DIP2A: variants seen among roughly 807,000 people sequenced by gnomAD.
The protein encoded by DIP2A is disco-interacting protein 2 homolog A.
Under a neutral mutation model 177.4 loss-of-function variants are expected in DIP2A, and 85 were observed. The ratio of observed to expected loss-of-function variants is 0.48; its 90% CI spans 0.40 to 0.57. DIP2A has a LOEUF of 0.57. DIP2A is among the 20% of genes least tolerant of loss of function. The probability of loss-of-function intolerance (pLI) is 0.00; values close to 1 mark genes in which losing one functional copy is unlikely to be tolerated. For synonymous variants in DIP2A, 886 were observed against 881.8 expected (o/e 1.00, Z -0.08); for missense variants, 1,791 against 2,100.2 (o/e 0.85, Z 2.88).
In DIP2A at chr21:46,514,617, C is replaced by CTTTTTTTTTTT. The variant is rs752628688; in HGVS notation, c.1102+3016_1102+3026dup. On this transcript the variant is annotated intron_variant, in intron 8 of 37. Coordinates refer to ENST00000417564, the MANE Select transcript of DIP2A (RefSeq NM_015151.4). ...CCTTTCCAATACTTAAACTTTTATTCTTTTTTTTTTTTTTTTTTTTTTTGG... is the reference window on the plus strand; with the variant it reads ...CCTTTCCAATACTTAAACTTTTATTCTTTTTTTTTTTTTTTTTTTTTTTTTTTTTTTTTTGG... 4.4e-4 allele frequency among the ~76,000 whole-genome samples: 31 copies of CTTTTTTTTTTT among 70,462 alleles called. 1 individual carries two copies. The highest frequency in any genetic ancestry group is 5.6e-4 in the African/African-American group (10 of 17,854). 46.2% of individuals were successfully genotyped at this position (70,462 alleles called of 152,430 possible).
At chr21:46,572,670 C>G (rs1363956568), downstream of DIP2A, among the ~76,000 whole-genome samples, 2 of 152,164 alleles carry the variant, frequency 1.3e-5, no homozygotes, top group Non-Finnish European at 2.9e-5. Flanking sequence ...CAAGAAGACC[C>G]TGACCTGATG....
At chr21:46,511,805 A>G (rs1382637210) in intron 8 of DIP2A, among the ~76,000 whole-genome samples, 191 bp downstream of exon 8, 1 of 152,144 alleles carries the variant, frequency 6.6e-6, no homozygotes, top group East Asian at 1.9e-4. Context: ...GGTGACTGCC[A>G]TTGCTCTGGG....
chr21:46,514,643 T>TTTTTTTTTTTTTTTG (rs1491148764), intron 8 of DIP2A, among the ~76,000 whole-genome samples: 1 of 79,896 alleles, frequency 1.3e-5, no homozygotes, highest in Non-Finnish European at 2.7e-5. Flanking sequence ...TTTTTTTTGG[T>TTTTTTTTTTTTTTTG]TTTTTTTTTT....
intron 6 of DIP2A, among the ~76,000 whole-genome samples, chr21:46,507,066 G>A (rs1366853744): frequency 1.3e-5 from 2 of 151,846 alleles, no homozygotes; most frequent in Non-Finnish European, 2.9e-5. Flanking sequence ...AGCCACTGTG[G>A]CCAGCCAAAT....
chr21:46,459,714 C>T (rs2054128200), intron 1 of DIP2A, among the ~76,000 whole-genome samples: 1 of 150,062 alleles, frequency 6.7e-6, no homozygotes. Context: ...GGACCCCTCC[C>T]CCATACAAGG....
At chr21:46,459,314 A>T in intron 1 of DIP2A, 92 bp downstream of exon 1, 1 of 966,206 alleles carries the variant, frequency 1.0e-6, no homozygotes. Flanking sequence ...GCGGCCCCTC[A>T]CTCCAGGACC....
rs148273274 is a variant in DIP2A, at chr21:46,495,848, C to T, written c.284-1140C>T. 1.5e-3 allele frequency among the ~76,000 whole-genome samples: 224 copies of T among 152,018 alleles called. 2 individuals are homozygous for T. Among genetic ancestry groups the T allele is most frequent in the Middle Eastern group, 0.01 (3 of 294 alleles). On this transcript the variant is annotated intron_variant, in intron 3 of 37. Coordinates refer to ENST00000417564, the MANE Select transcript of DIP2A (RefSeq NM_015151.4). ...CAGCACTTACAGAGGCCAAGGCGGG[C>T]GGATCACCATGTCAGGAGTTCAAGA... is the stretch of plus-strand genomic sequence containing the variant.
intron 1 of DIP2A, chr21:46,469,235 TTAA>T (rs1281689919): frequency 2.0e-5 from 3 of 152,214 alleles, no homozygotes; most frequent in African/African-American, 7.2e-5. Context: ...GCTTATTGAG[TTAA>T]TAAAAGTGAA....
At chr21:46,476,538 A>G (rs2055861242) in intron 1 of DIP2A, among the ~76,000 whole-genome samples, 1 of 152,198 alleles carries the variant, frequency 6.6e-6, no homozygotes, top group African/African-American at 2.4e-5. Context: ...GAGAGCCATC[A>G]GACAGGGTAG....
intron 8 of DIP2A, among the ~76,000 whole-genome samples, chr21:46,516,768 C>T (rs954779343): frequency 6.6e-5 from 10 of 151,960 alleles, no homozygotes; most frequent in African/African-American, 9.7e-5. Flanking sequence ...GCTGGGATTA[C>T]AGCCATGAGC....
At chr21:46,477,565 GTGTATTTCTT>G (rs1381841881) in intron 1 of DIP2A, among the ~76,000 whole-genome samples, 3 of 135,774 alleles carry the variant, frequency 2.2e-5, no homozygotes, top group East Asian at 2.1e-4. Flanking sequence ...GTGTGTGTGT[GTGTATTTCTT>G]TTTTTTTTTT....
At chr21:46,538,053 G>C (rs556061826) in intron 15 of DIP2A, among the ~76,000 whole-genome samples, 2 of 152,240 alleles carry the variant, frequency 1.3e-5, no homozygotes, top group South Asian at 4.1e-4. Flanking sequence ...GGGTAGGGGT[G>C]GGGGGATTGC....
chr21:46,475,488 A>G (rs1387753694), intron 1 of DIP2A, among the ~76,000 whole-genome samples: 2 of 152,210 alleles, frequency 1.3e-5, no homozygotes, highest in African/African-American at 4.8e-5. Context: ...GCAGACATTC[A>G]TATTGAGCAA....
chr21:46,511,511 G>A lies in DIP2A; in HGVS notation c.999G>A (p.Pro333=), dbSNP rs201152472. ...TCACTGCAGGTGTCCCCCGACCGCC[G>A]TCGCTGTTGGCCACCTTGCAGCGCT... is the stretch of plus-strand genomic sequence containing the variant. ...EPLTAGVPRP[P]SLLATLQRWG... is the part of the protein sequence containing the mutation. The change falls in exon 8 of 38, where the codon CCG becomes CCA. Residue 333 remains proline, a synonymous_variant. Transcript: ENST00000417564. 2.4e-3 allele frequency: 3,947 copies of A among 1,612,714 alleles called. 10 individuals carry two copies. The highest frequency in any genetic ancestry group is 2.9e-3 in the Non-Finnish European group (3,461 of 1,179,456).
At chr21:46,492,864 C>T (rs543790506) in intron 3 of DIP2A, among the ~76,000 whole-genome samples, 4 of 151,780 alleles carry the variant, frequency 2.6e-5, no homozygotes, top group African/African-American at 9.7e-5. Context: ...TCGCTTGAAC[C>T]GGTAGGTGGA....
At chr21:46,535,468 C>T (rs1260252221) in intron 13 of DIP2A, among the ~76,000 whole-genome samples, 1 of 151,972 alleles carries the variant, frequency 6.6e-6, no homozygotes, top group African/African-American at 2.4e-5. Context: ...ACCAGTAATC[C>T]CACCACTTTG....
chr21:46,546,146 C>T (rs534674319), intron 20 of DIP2A, 185 bp downstream of exon 20: 58 of 1,450,002 alleles, frequency 4.0e-5, no homozygotes, highest in Non-Finnish European at 5.0e-5. Flanking sequence ...ACCTCCGAGA[C>T]TGGTGCACAG....
Position 46,539,939 on chromosome 21 carries a change from G to C in DIP2A, c.1984G>C (p.Val662Leu), listed in dbSNP as rs1254917125. The change falls in exon 17 of 38, where the codon GTC (valine) becomes CTC (leucine). Residue 662 changes from valine (V) to leucine (L), a missense_variant. Transcript: ENST00000417564. ...VFQSRGLRPE[V>L]ICPCASSPEA... ...CCAGTCCAGAGGTCTGAGGCCAGAG[G>C]TCATCTGTCCTTGTGCAAGTTCTCC... is the stretch of plus-strand genomic sequence containing the variant. 12 of 1,613,926 alleles carry C rather than the reference G, an allele frequency of 7.4e-6. No individual in the cohort carries two copies. Among genetic ancestry groups the C allele is most frequent in the Non-Finnish European group, 1.0e-5 (12 of 1,179,906 alleles).
Position 46,464,844 on chromosome 21 carries a change from T to TTTTTTTTTTTTTTCCC in DIP2A, c.91+5622_91+5623insTTTTTTTTTTTTTCCC, listed in dbSNP as rs58546395. Among the ~76,000 whole-genome samples the TTTTTTTTTTTTTTCCC allele has an allele frequency of 9.9e-5, 11 of 111,226 alleles. 1 individual carries two copies. Among genetic ancestry groups the TTTTTTTTTTTTTTCCC allele is most frequent in the African/African-American group, 4.2e-4 (10 of 23,990 alleles). The allele number at this position is 111,226 out of a possible 152,430, so 73.0% of individuals were successfully genotyped here. On this transcript the variant is annotated intron_variant, in intron 1 of 37. Coordinates refer to ENST00000417564, the MANE Select transcript of DIP2A (RefSeq NM_015151.4). ...TTTTTTTTTTTTTTTTTTTTTTTTTTCAAGAAAACACACAACAAATGTCAG... is the reference window on the plus strand; with the variant it reads ...TTTTTTTTTTTTTTTTTTTTTTTTTTTTTTTTTTTTTTTCCCCAAGAAAACACACAACAAATGTCAG...
Sources: gnomAD v4.1 joint callset for allele counts (sites outside exome capture counted in the v4.1 genomes callset) on GRCh38, gnomAD v4.1.1 for gene constraint, MANE v1.5 for transcripts, NCBI Gene and HGNC (gene_info 2026-07-23, HGNC 2026-07-21) for gene names.